XKR4: variants seen among roughly 807,000 people sequenced by gnomAD.
The protein encoded by XKR4 is XK related 4.
A neutral mutation model predicts 53.9 loss-of-function variants in XKR4; 12 were observed. The ratio of observed to expected loss-of-function variants is 0.22; its 90% CI spans 0.14 to 0.36. The LOEUF is 0.36. XKR4 is among the 10% of genes least tolerant of loss of function. The pLI is 1.00. For synonymous variants in XKR4, 354 were observed against 362.4 expected (o/e 0.98, Z 0.26); for missense variants, 799 against 859.5 (o/e 0.93, Z 0.88).
At chr8:55,150,615 G>A (rs556117757) in intron 1 of XKR4, among the ~76,000 whole-genome samples, 2 of 152,154 alleles carry the variant, frequency 1.3e-5, no homozygotes, top group Non-Finnish European at 2.9e-5. Flanking sequence ...CCCTTTTTCT[G>A]CTCAGCAAAC....
Position 55,184,545 on chromosome 8 carries a change from G to C in XKR4, c.806+81251G>C, listed in dbSNP as rs111928663. Among the ~76,000 whole-genome samples the C allele has an allele frequency of 9.4e-3, 1,427 of 152,272 alleles. 10 individuals carry two copies. The highest frequency in any genetic ancestry group is 0.014 in the Non-Finnish European group (962 of 68,014). On this transcript the variant is annotated intron_variant, in intron 1 of 2. Transcript: ENST00000327381. ...TACCAAGCCTTGACTTTTCACAATG[G>C]AAGTTGTGTATTTTTCTGCTGTTTT...
intron 1 of XKR4, among the ~76,000 whole-genome samples, chr8:55,209,635 C>T (rs1817700689): frequency 6.6e-6 from 1 of 152,106 alleles, no homozygotes; most frequent in South Asian, 2.1e-4. Context: ...TCAGGAGGTC[C>T]CATTGTGGTC....
intron 2 of XKR4, among the ~76,000 whole-genome samples, chr8:55,495,302 G>A (rs1182972643): frequency 1.3e-5 from 2 of 152,174 alleles, no homozygotes; most frequent in African/African-American, 2.4e-5. Flanking sequence ...GGACCCCCAA[G>A]AGCACAGAGA....
chr8:55,176,931 C>T lies in XKR4; in HGVS notation c.806+73637C>T, dbSNP rs527506115. On this transcript the variant is annotated intron_variant, in intron 1 of 2. Transcript: ENST00000327381. ...CAAATGACCACGAGGCAAATTTGTG[C>T]GCAGCCAAATCACAAAAGTACCCCA... Among the ~76,000 whole-genome samples, 18 of 152,116 alleles carry T rather than the reference C, an allele frequency of 1.2e-4. 1 individual carries two copies. Among genetic ancestry groups the T allele is most frequent in the Admixed American group, 9.2e-4 (14 of 15,276 alleles).
intron 1 of XKR4, among the ~76,000 whole-genome samples, chr8:55,157,388 G>A (rs1816921940): frequency 6.6e-6 from 1 of 152,086 alleles, no homozygotes; most frequent in Admixed American, 6.6e-5. Context: ...ATGATAAGAG[G>A]GAGATGTGGT....
chr8:55,398,598 GCTTTAGTT>G (rs1804557108), intron 2 of XKR4, among the ~76,000 whole-genome samples: 1 of 152,130 alleles, frequency 6.6e-6, no homozygotes, highest in African/African-American at 2.4e-5. Context: ...TGGCTCTGCG[GCTTTAGTT>G]CAATCACTTC....
At chr8:55,363,468 T>C (rs774440595) in intron 2 of XKR4, among the ~76,000 whole-genome samples, 1 of 152,158 alleles carries the variant, frequency 6.6e-6, no homozygotes, top group African/African-American at 2.4e-5. Context: ...TCCTCAAATA[T>C]CCGGCAAACA....
intron 2 of XKR4, among the ~76,000 whole-genome samples, chr8:55,468,877 C>T (rs892486691): frequency 3.9e-5 from 6 of 152,058 alleles, no homozygotes; most frequent in African/African-American, 1.5e-4. Context: ...CAAGGTTTTT[C>T]CTCTTTTCAT....
intron 1 of XKR4, among the ~76,000 whole-genome samples, chr8:55,104,213 C>T (rs986884462): frequency 6.6e-5 from 10 of 152,070 alleles, no homozygotes; most frequent in African/African-American, 2.2e-4. Flanking sequence ...ATAGTATGCT[C>T]AGGAATACAT....
At chr8:55,185,933 G>A (rs1325833661) in intron 1 of XKR4, among the ~76,000 whole-genome samples, 5 of 152,190 alleles carry the variant, frequency 3.3e-5, no homozygotes, top group Non-Finnish European at 7.3e-5. Context: ...GGCCAGTGGT[G>A]TTGTTGATAT....
At chr8:55,182,795 A>G (rs1035309655) in intron 1 of XKR4, among the ~76,000 whole-genome samples, 1 of 140,146 alleles carries the variant, frequency 7.1e-6, no homozygotes, top group Non-Finnish European at 1.5e-5. Context: ...CCTTTCATAT[A>G]AAGTTTACAA....
chr8:55,168,783 G>A (rs1413629215), intron 1 of XKR4, among the ~76,000 whole-genome samples: 2 of 152,080 alleles, frequency 1.3e-5, no homozygotes, highest in Admixed American at 6.5e-5. Context: ...CCTTCATTAT[G>A]AGCAAGAAAT....
intron 1 of XKR4, among the ~76,000 whole-genome samples, chr8:55,115,005 G>T (rs1022682358): frequency 2.6e-5 from 4 of 152,164 alleles, no homozygotes; most frequent in African/African-American, 9.7e-5. Flanking sequence ...GCCAAGGACA[G>T]AGCTGTGGGC....
intron 1 of XKR4, among the ~76,000 whole-genome samples, chr8:55,295,999 A>C (rs1454947859): frequency 1.3e-5 from 2 of 152,212 alleles, no homozygotes; most frequent in East Asian, 3.8e-4. Context: ...CAAAATAATG[A>C]TGACATAGAT....
intron 1 of XKR4, among the ~76,000 whole-genome samples, chr8:55,298,964 G>T (rs138220584): frequency 6.6e-6 from 1 of 151,978 alleles, no homozygotes; most frequent in African/African-American, 2.4e-5. Context: ...CAGGGCATTC[G>T]CACTGACACA....
chr8:55,116,339 G>A (rs1016642111), intron 1 of XKR4, among the ~76,000 whole-genome samples: 1 of 152,216 alleles, frequency 6.6e-6, no homozygotes, highest in Middle Eastern at 3.4e-3. Flanking sequence ...GGAGTTAGCT[G>A]CATATTTAAA....
At chr8:55,309,490 T>C (rs1226051485) in intron 1 of XKR4, among the ~76,000 whole-genome samples, 1 of 152,198 alleles carries the variant, frequency 6.6e-6, no homozygotes, top group Non-Finnish European at 1.5e-5. Flanking sequence ...AACTTTTCAG[T>C]ATCTTGACTA....
intron 2 of XKR4, among the ~76,000 whole-genome samples, chr8:55,479,163 C>T (rs1375946900): frequency 6.6e-6 from 1 of 152,070 alleles, no homozygotes; most frequent in East Asian, 1.9e-4. Context: ...AAGCACTCCT[C>T]AGCAAATATA....
In XKR4 at chr8:55,127,807, A is replaced by G. The variant is rs1306789188; in HGVS notation, c.806+24513A>G. On this transcript the variant is annotated intron_variant, in intron 1 of 2. Coordinates refer to ENST00000327381, the MANE Select transcript of XKR4 (RefSeq NM_052898.2). ...CATGTGTTCTCATTGTTCAGTTCCC[A>G]CCTATGAGTGAGAACATGTGGTGTT... 9.5e-5 allele frequency among the ~76,000 whole-genome samples: 13 copies of G among 137,360 alleles called. No individual in the cohort carries two copies. In the East Asian group the frequency reaches 2.8e-3, roughly 29 times the overall value. The allele number at this position is 137,360 out of a possible 152,430, so 90.1% of individuals were successfully genotyped here.
Sources: gnomAD v4.1 joint callset for allele counts (sites outside exome capture counted in the v4.1 genomes callset) on GRCh38, gnomAD v4.1.1 for gene constraint, MANE v1.5 for transcripts, NCBI Gene and HGNC (gene_info 2026-07-23, HGNC 2026-07-21) for gene names.